BCL9: variants seen among roughly 807,000 people sequenced by gnomAD.
The protein encoded by BCL9 is B-cell CLL/lymphoma 9 protein.
In BCL9, 25 loss-of-function variants were observed where a neutral mutation model predicts 88.5. The ratio of observed to expected loss-of-function variants is 0.28; its 90% CI spans 0.21 to 0.39. The LOEUF (loss-of-function observed/expected upper bound fraction) is 0.39, where lower values mean the gene tolerates loss of function less well. BCL9 is among the 10% of genes least tolerant of loss of function. The pLI, the probability that BCL9 is intolerant of heterozygous loss-of-function variation, is 1.00. For synonymous variants in BCL9, 711 were observed against 673.3 expected (o/e 1.06, Z -0.87); for missense variants, 1,817 against 1,877.8 (o/e 0.97, Z 0.60).
At position 147,619,158 on chromosome 1, in the gene BCL9, C is replaced by T. The variant is rs1325219670; in HGVS notation, c.1003C>T (p.Pro335Ser). ...SADPKAPPPP[P>S]VSSGEPPTLG... The stretch of plus-strand genomic sequence containing the variant: ...AGATCCCAAAGCCCCTCCGCCTCCA[C>T]CAGTGTCCAGTGGCGAGCCCCCCAC... Residue 335 changes from proline to serine, a missense_variant, in exon 8 of 10, where the codon CCA becomes TCA. Physicochemically the swap from Pro to Ser is moderately conservative, Grantham distance 74 (BLOSUM62 -1). Transcript: ENST00000234739. The surrounding 1 kb of genome is among the most constrained non-coding windows in gnomAD (Gnocchi z 4.1). The T allele has an allele frequency of 6.2e-7, 1 of 1,613,114 alleles. No individual in the cohort carries two copies. Among genetic ancestry groups the T allele is most frequent in the East Asian group, 2.2e-5 (1 of 44,882 alleles).
chr1:147,576,168 C>G (rs1158718101), intron 1 of BCL9, among the ~76,000 whole-genome samples: 1 of 152,050 alleles, frequency 6.6e-6, no homozygotes, highest in South Asian at 2.1e-4. Context: ...GGATTAAGAA[C>G]CTTAACAAGA....
At chr1:147,607,210 C>T (rs1226148865) in intron 3 of BCL9, among the ~76,000 whole-genome samples, 2 of 152,274 alleles carry the variant, frequency 1.3e-5, no homozygotes, top group South Asian at 2.1e-4. Flanking sequence ...TGCATATATA[C>T]CACCTTTTCT....
rs587646252 is a variant in BCL9, at chr1:147,564,091, A to G, written c.-478+22417A>G. 1.4e-4 allele frequency among the ~76,000 whole-genome samples: 21 copies of G among 152,224 alleles called. No homozygotes were observed. In the South Asian group the frequency reaches 3.3e-3, roughly 24 times the overall value. On this transcript the variant is annotated intron_variant, in intron 1 of 9. Transcript: ENST00000234739. Reference sequence around the variant, plus strand: ...GAACGTGGATGTGACTTGAAAACAGACAGAAGCTATAGAACAGAATCGCGG... The same window carrying G: ...GAACGTGGATGTGACTTGAAAACAGGCAGAAGCTATAGAACAGAATCGCGG...
chr1:147,597,308 C>G (rs1657097552), intron 1 of BCL9, among the ~76,000 whole-genome samples: 1 of 152,126 alleles, frequency 6.6e-6, no homozygotes, highest in Non-Finnish European at 1.5e-5. Flanking sequence ...CTATGATTAG[C>G]TAAAGAACTA....
At chr1:147,545,616 C>T (rs1388404299) in intron 1 of BCL9, among the ~76,000 whole-genome samples, 3 of 152,144 alleles carry the variant, frequency 2.0e-5, no homozygotes, top group Non-Finnish European at 4.4e-5. Flanking sequence ...AGTCTCTAGT[C>T]CTGCTGAAAG....
intron 1 of BCL9, among the ~76,000 whole-genome samples, chr1:147,564,002 G>T (rs1655496602): frequency 6.6e-6 from 1 of 152,210 alleles, no homozygotes; most frequent in Admixed American, 6.5e-5. Flanking sequence ...AAGCTGGCTT[G>T]TTAACTACTT....
intron 1 of BCL9, among the ~76,000 whole-genome samples, chr1:147,592,026 G>C (rs1553199974): frequency 6.6e-6 from 1 of 152,172 alleles, no homozygotes; most frequent in African/African-American, 2.4e-5. Context: ...GCTTACTAAT[G>C]CTTGACTGAT....
chr1:147,615,957 G>C, intron 7 of BCL9, 55 bp downstream of exon 7: 1 of 1,510,942 alleles, frequency 6.6e-7, no homozygotes, highest in Non-Finnish European at 9.1e-7. Context: ...TGACTGCAAA[G>C]GAAAGGAGGT....
At chr1:147,544,748 GA>G (rs1196035066) in intron 1 of BCL9, among the ~76,000 whole-genome samples, 5 of 150,728 alleles carry the variant, frequency 3.3e-5, no homozygotes, top group East Asian at 1.9e-4. Context: ...CTCATAAAGG[GA>G]AAAAAAAATT....
intron 1 of BCL9, among the ~76,000 whole-genome samples, chr1:147,547,392 C>T (rs10793689): frequency 0.48 from 73,593 of 151,964 alleles, 21,193 homozygotes; most frequent in African/African-American, 0.82. Context: ...TTAAAAATTT[C>T]ACACAATGGC....
Position 147,564,668 on chromosome 1 carries a change from C to A in BCL9, c.-478+22994C>A, listed in dbSNP as rs1324195098. Among the ~76,000 whole-genome samples the A allele has an allele frequency of 3.3e-5, 5 of 152,252 alleles. No individual in the cohort carries two copies. In the Middle Eastern group the frequency reaches 0.01, roughly 311 times the overall value. ...TAAAGTTAATTACAACTGTAAGGTA[C>A]TATTATCATTGCCTGCATTACAAAA... On this transcript the variant is annotated intron_variant, in intron 1 of 9. Coordinates refer to ENST00000234739, the MANE Select transcript of BCL9 (RefSeq NM_004326.4).
At chr1:147,576,184 T>G (rs1361504504) in intron 1 of BCL9, among the ~76,000 whole-genome samples, 3 of 152,184 alleles carry the variant, frequency 2.0e-5, no homozygotes, top group African/African-American at 7.2e-5. Flanking sequence ...CAAGAATTTT[T>G]GTTTATTCTT....
At chr1:147,564,001 T>A (rs1655496506) in intron 1 of BCL9, among the ~76,000 whole-genome samples, 1 of 152,214 alleles carries the variant, frequency 6.6e-6, no homozygotes, top group Non-Finnish European at 1.5e-5. Flanking sequence ...AAAGCTGGCT[T>A]GTTAACTACT....
chr1:147,566,540 AG>A (rs1553196696), intron 1 of BCL9, among the ~76,000 whole-genome samples: 1 of 151,720 alleles, frequency 6.6e-6, no homozygotes. Flanking sequence ...GCGGATCACG[AG>A]GTCCGGAGAT....
intron 1 of BCL9, among the ~76,000 whole-genome samples, chr1:147,571,602 A>G (rs1553197431): frequency 2.0e-5 from 3 of 152,098 alleles, no homozygotes; most frequent in Non-Finnish European, 4.4e-5. Context: ...ATGGTGAAAA[A>G]GCACCCTTTT....
intron 2 of BCL9, among the ~76,000 whole-genome samples, chr1:147,605,706 T>C (rs1320403607): frequency 6.6e-6 from 1 of 152,184 alleles, no homozygotes; most frequent in East Asian, 1.9e-4. Flanking sequence ...TTTCCTATTG[T>C]GTACTTTTTC....
At chr1:147,591,516 G>A (rs1321026772) in intron 1 of BCL9, among the ~76,000 whole-genome samples, 2 of 152,138 alleles carry the variant, frequency 1.3e-5, no homozygotes, top group Non-Finnish European at 2.9e-5. Context: ...ACCTCATGGG[G>A]TTATTGCGTA....
At chr1:147,587,776 G>A (rs1332838916) in intron 1 of BCL9, among the ~76,000 whole-genome samples, 4 of 151,800 alleles carry the variant, frequency 2.6e-5, no homozygotes, top group African/African-American at 9.7e-5. Flanking sequence ...GTGTGTGTGT[G>A]TGTGTGTGTG....
chr1:147,592,221 C>T (rs1656876611), intron 1 of BCL9, among the ~76,000 whole-genome samples: 1 of 152,160 alleles, frequency 6.6e-6, no homozygotes, highest in South Asian at 2.1e-4. Flanking sequence ...AAATCAAGGT[C>T]AGCACTGTTT....
Sources: allele counts gnomAD v4.1 joint callset (sites outside exome capture counted in the v4.1 genomes callset), GRCh38; gene constraint gnomAD v4.1.1; non-coding constraint Gnocchi (gnomAD v3.1); transcripts MANE v1.5; gene names NCBI Gene and HGNC (gene_info 2026-07-23, HGNC 2026-07-21).